Variants in CORO7 observed in about 807,000 individuals in gnomAD.
CORO7 encodes the protein coronin 7, also known as coronin-7.
Under a neutral mutation model 126.6 loss-of-function variants are expected in CORO7, and 107 were observed. That is an observed-to-expected ratio of 0.85 (90% CI 0.72 to 0.99). CORO7 has a LOEUF of 0.99. Ranked by LOEUF, CORO7 falls within the 50% of genes least tolerant of loss-of-function variation. CORO7 has a pLI of 0.00. For missense variants in CORO7, 1,314 were observed against 1,255.8 expected, an observed-to-expected ratio of 1.05 and a Z score of -0.70; for synonymous variants, 603 against 536.8, an observed-to-expected ratio of 1.12 and a Z score of -1.70.
rs758871588 is a variant in CORO7, at chr16:4,365,038, T to C, written c.863A>G (p.Tyr288Cys). The change falls in exon 11 of 28, where the codon TAC (tyrosine) becomes TGC (cysteine). Residue 288 changes from tyrosine to cysteine, a missense_variant. By Grantham distance (194) the Tyr-to-Cys change is radical. Coordinates refer to ENST00000251166, the MANE Select transcript of CORO7 (RefSeq NM_024535.5). The part of the protein sequence containing the change: ...AGKGERQLYC[Y>C]EVVPQQPALS... ...CGCCGGCTGCTGCGGGACCACCTCG[T>C]AACAGTACAGCTGCCTCTCGCCCTG... 4 of 1,604,692 alleles carry C rather than the reference T, an allele frequency of 2.5e-6. No homozygotes were observed. The highest frequency in any genetic ancestry group is 3.4e-5 in the Admixed American group (2 of 58,924).
At chr16:4,357,303 G>A (rs745518229) in intron 25 of CORO7, 44 bp from the exon 26 acceptor site, 1 of 1,542,878 alleles carries the variant, frequency 6.5e-7, no homozygotes, top group Admixed American at 2.1e-5. Context: ...CCCTTCGTTA[G>A]GGCTCTTTGG....
chr16:4,362,057 G>A lies in CORO7; in HGVS notation c.1506C>T (p.Asp502=), dbSNP rs757250882. 28 of 1,612,942 alleles carry A rather than the reference G, an allele frequency of 1.7e-5. No homozygotes were observed. Among genetic ancestry groups the A allele is most frequent in the Admixed American group, 5.0e-5 (3 of 59,988 alleles). The part of the protein sequence containing the change: ...GLNLTTPGES[D]GFCANKLRVA... Reference sequence around the variant, plus strand: ...CACGCAGCTTGTTGGCACAGAAGCCGTCACTCTCACCAGGTGTGGTGAGGT... The same window carrying A: ...CACGCAGCTTGTTGGCACAGAAGCCATCACTCTCACCAGGTGTGGTGAGGT... Residue 502 remains aspartate (D), a synonymous_variant, in exon 16 of 28, where the codon GAC becomes GAT. Transcript: ENST00000251166. The surrounding 1 kb of genome is among the most constrained non-coding windows in gnomAD (Gnocchi z 5.3).
chr16:4,358,420 G>C lies in CORO7; in HGVS notation c.2404C>G (p.Arg802Gly). The C allele has an allele frequency of 6.2e-7, 1 of 1,612,294 alleles. No homozygotes were observed. The highest frequency in any genetic ancestry group is 1.1e-5 in the South Asian group (1 of 91,018). Residue 802 changes from arginine to glycine, a missense_variant, in exon 24 of 28, where the codon CGG (arginine) becomes GGG (glycine). Arg to Gly is a moderately radical substitution (Grantham distance 125). Coordinates refer to ENST00000251166, the MANE Select transcript of CORO7 (RefSeq NM_024535.5). ...GGCTCCAGGGAGGACTGACGCAGCCGCAGGCACCGCATCAGCTCCACTTCC... is the reference window on the plus strand; with the variant it reads ...GGCTCCAGGGAGGACTGACGCAGCCCCAGGCACCGCATCAGCTCCACTTCC... ...VREVELMRCLRLRQSSLEPVA... is the reference protein window; with the variant it reads ...VREVELMRCLGLRQSSLEPVA...
chr16:4,387,767 CA>C (rs1046767636), intron 9 of CORO7: 23 of 598,028 alleles, frequency 3.8e-5, no homozygotes, highest in African/African-American at 1.9e-4. Flanking sequence ...ACTCTGCTAC[CA>C]GGGGCCAGAG....
intron 6 of CORO7, among the ~76,000 whole-genome samples, chr16:4,402,811 G>C (rs1282918512): frequency 6.6e-6 from 1 of 152,224 alleles, no homozygotes; most frequent in Non-Finnish European, 1.5e-5. Context: ...AGCGCAGCAG[G>C]CCGGAATGGG....
intron 6 of CORO7, among the ~76,000 whole-genome samples, chr16:4,396,969 T>C (rs996428795): frequency 7.0e-6 from 1 of 141,894 alleles, no homozygotes; most frequent in Non-Finnish European, 1.5e-5. Flanking sequence ...TGAGCTGAGA[T>C]TGCACCACTG....
chr16:4,382,446 C>A (rs374250185), intron 9 of CORO7: 1 of 1,609,610 alleles, frequency 6.2e-7, no homozygotes, highest in South Asian at 1.1e-5. Flanking sequence ...ACACGGTCAC[C>A]CAGCTGCGGC....
intron 9 of CORO7, chr16:4,382,490 TG>T (rs958004977): frequency 1.8e-5 from 28 of 1,599,614 alleles, no homozygotes; most frequent in Admixed American, 5.1e-5. Context: ...GTCATGCCTT[TG>T]GGGCCCGGGC....
At chr16:4,357,358 T>TC in intron 25 of CORO7, 99 bp from the exon 26 acceptor site, 22 of 812,900 alleles carry the variant, frequency 2.7e-5, no homozygotes, top group Non-Finnish European at 2.9e-5. Context: ...TTTCTTTCTT[T>TC]TTTTTTTTTT....
intron 6 of CORO7, 44 bp downstream of exon 6, chr16:4,405,447 G>A (rs769019606): frequency 1.3e-6 from 2 of 1,594,024 alleles, no homozygotes; most frequent in African/African-American, 1.3e-5. Flanking sequence ...CAGCCCAGGA[G>A]GCCTGCACAG....
Position 4,415,634 on chromosome 16 carries a change from C to A in CORO7, c.60+825G>T, listed in dbSNP as rs539873897. The stretch of plus-strand genomic sequence containing the variant: ...AAACGGAACCTCTACCCAGACTGCC[C>A]TGACTTGCTCTGGGACCCTGATGGG... On this transcript the variant is annotated intron_variant, in intron 1 of 27. Transcript: ENST00000251166. 8.0e-6 allele frequency: 7 copies of A among 873,460 alleles called. No homozygotes were observed. In the South Asian group the frequency reaches 3.7e-4, roughly 46 times the overall value. 54.1% of individuals were successfully genotyped at this position (873,460 alleles called of 1,614,324 possible).
At chr16:4,378,513 G>A (rs1379299459) in intron 9 of CORO7, among the ~76,000 whole-genome samples, 2 of 152,164 alleles carry the variant, frequency 1.3e-5, no homozygotes, top group Admixed American at 6.5e-5. Context: ...ACATCTGGAG[G>A]CCAGGCCGCA....
At position 4,355,005 on chromosome 16, in the gene CORO7, G is replaced by T. The variant is rs1052061146; in HGVS notation, c.*153C>A. The T allele has an allele frequency of 5.2e-6, 4 of 767,912 alleles. No homozygotes were observed. Among genetic ancestry groups the T allele is most frequent in the Admixed American group, 3.2e-5 (1 of 30,950 alleles). 47.6% of individuals were successfully genotyped at this position (767,912 alleles called of 1,614,324 possible). On this transcript the variant is annotated 3_prime_UTR_variant, in exon 28 of 28. Transcript: ENST00000251166. ...AAAACAGTCCCTGGGAACTGCCAGA[G>T]GCCCAGAGGATGTGGAAGTGCCCAC...
At chr16:4,403,278 G>A (rs543661310) in intron 6 of CORO7, among the ~76,000 whole-genome samples, 32 of 152,222 alleles carry the variant, frequency 2.1e-4, no homozygotes, top group Admixed American at 1.8e-3. Context: ...CCCCACTCCC[G>A]GCTCCATACT....
intron 9 of CORO7, among the ~76,000 whole-genome samples, chr16:4,369,215 C>G (rs1264453613): frequency 6.6e-6 from 1 of 152,286 alleles, no homozygotes; most frequent in Admixed American, 6.5e-5. Context: ...CTCTGCCAGG[C>G]AGGGGCATCC....
chr16:4,396,243 C>T (rs563746006), intron 6 of CORO7, among the ~76,000 whole-genome samples: 31 of 152,174 alleles, frequency 2.0e-4, no homozygotes, highest in Non-Finnish European at 3.5e-4. Flanking sequence ...CCACATCTGG[C>T]TAATTTTTGT....
Position 4,395,314 on chromosome 16 carries a change from G to C in CORO7, c.590C>G (p.Pro197Arg). The stretch of plus-strand genomic sequence containing the variant: ...CTGAGAGGCCCGCGGCTTTGTTCTG[G>C]GGTCAAAGATCCGCAGCTGCTTGTC... Reference protein sequence around the residue: ...CKDKQLRIFDPRTKPRASQST... With the variant: ...CKDKQLRIFDRRTKPRASQST... Residue 197 changes from proline (P) to arginine (R), a missense_variant, in exon 7 of 28, where the codon CCC becomes CGC. Pro to Arg is a moderately radical substitution (Grantham distance 103). Transcript: ENST00000251166. 1 of 1,614,082 alleles carries C rather than the reference G, an allele frequency of 6.2e-7. No individual in the cohort carries two copies. The highest frequency in any genetic ancestry group is 1.1e-5 in the South Asian group (1 of 91,070).
At chr16:4,372,225 T>C (rs2054561793) in intron 9 of CORO7, among the ~76,000 whole-genome samples, 1 of 152,096 alleles carries the variant, frequency 6.6e-6, no homozygotes, top group Non-Finnish European at 1.5e-5. Flanking sequence ...CGCCTGAGTG[T>C]GCGGTGAGCC....
rs147703100 is a variant in CORO7 at position 4,408,132 on chromosome 16, G to A, written c.303+49C>T. On this transcript the variant is annotated intron_variant, in intron 4 of 27. Transcript: ENST00000251166. ...ATGGCGCTGGGGCTCAGAAGGCCCT[G>A]GACTACGGGCTGGGACATAGAGCAG... is the stretch of plus-strand genomic sequence containing the variant. 1.9e-4 allele frequency: 305 copies of A among 1,613,330 alleles called. 1 individual carries two copies. The highest frequency in any genetic ancestry group is 1.2e-3 in the Middle Eastern group (7 of 6,032).
Sources: gnomAD v4.1 joint callset for allele counts (sites outside exome capture counted in the v4.1 genomes callset) on GRCh38, gnomAD v4.1.1 for gene constraint, Gnocchi (gnomAD v3.1) non-coding constraint, MANE v1.5 for transcripts, NCBI Gene and HGNC (gene_info 2026-07-23, HGNC 2026-07-21) for gene names.